The following MYOM2 variants were observed in gnomAD, a reference collection of about 807,000 sequenced individuals.
MYOM2 encodes myomesin-2.
MYOM2 carries 254 observed loss-of-function variants against 187.6 expected under a neutral mutation model. The ratio of observed to expected loss-of-function variants is 1.35; its 90% CI spans 1.22 to 1.50. The LOEUF (loss-of-function observed/expected upper bound fraction) is 1.50, where lower values mean the gene tolerates loss of function less well. Ranked by LOEUF, MYOM2 falls within the 40% of genes most tolerant of loss-of-function variation. MYOM2 has a pLI of 0.00. For missense variants in MYOM2, 2,796 were observed against 1,924.0 expected, an observed-to-expected ratio of 1.45 and a Z score of -8.48; for synonymous variants, 981 against 753.8, an observed-to-expected ratio of 1.30 and a Z score of -4.94.
At chr8:2,045,990 G>A (rs535202360) in intron 1 of MYOM2, among the ~76,000 whole-genome samples, 2 of 152,302 alleles carry the variant, frequency 1.3e-5, no homozygotes, top group East Asian at 3.9e-4. Context: ...AGAAAGCGTG[G>A]AACAAAGATA....
At chr8:2,140,243 T>G (rs191303900) in intron 32 of MYOM2, among the ~76,000 whole-genome samples, 3 of 152,208 alleles carry the variant, frequency 2.0e-5, no homozygotes, top group African/African-American at 7.2e-5. Flanking sequence ...ATTTCCCTCA[T>G]GTATTTATGG....
chr8:2,100,782 C>A lies in MYOM2; in HGVS notation c.2441-94C>A, dbSNP rs1285575288. Reference sequence around the variant, plus strand: ...TACGGATGGTCCTGGTGGGGGGCTTCCCAGAGGAGCAGTGGGTCCCCGGGG... The same window carrying A: ...TACGGATGGTCCTGGTGGGGGGCTTACCAGAGGAGCAGTGGGTCCCCGGGG... On this transcript the variant is annotated intron_variant, in intron 19 of 36. Coordinates refer to ENST00000262113, the MANE Select transcript of MYOM2 (RefSeq NM_003970.4). The A allele has an allele frequency of 2.6e-5, 33 of 1,270,932 alleles. No individual in the cohort carries two copies. In the Admixed American group the frequency reaches 5.7e-4, roughly 22 times the overall value. 78.7% of individuals were successfully genotyped at this position (1,270,932 alleles called of 1,614,324 possible).
chr8:2,083,065 C>T (rs1318059479), intron 13 of MYOM2, among the ~76,000 whole-genome samples: 2 of 152,158 alleles, frequency 1.3e-5, no homozygotes, highest in Non-Finnish European at 2.9e-5. Flanking sequence ...ATAGTATCTT[C>T]CTCCACACAT....
chr8:2,078,341 A>C (rs115697055), intron 11 of MYOM2, among the ~76,000 whole-genome samples: 1,725 of 152,326 alleles, frequency 0.011, 36 homozygotes, highest in African/African-American at 0.04. Context: ...CCTGGGCCTC[A>C]GACGGGCCAA....
chr8:2,074,475 G>T (rs1258060546), intron 10 of MYOM2, among the ~76,000 whole-genome samples: 3 of 152,014 alleles, frequency 2.0e-5, no homozygotes, highest in Non-Finnish European at 4.4e-5. Context: ...TTGTTTTTGA[G>T]ATGGATTAAC....
intron 1 of MYOM2, among the ~76,000 whole-genome samples, chr8:2,048,214 A>T (rs1220463030): frequency 6.6e-6 from 1 of 152,228 alleles, no homozygotes; most frequent in Admixed American, 6.5e-5. Context: ...CGTCTGCTGG[A>T]GTGGAATTGC....
At chr8:2,124,323 C>A (rs918673481) in intron 31 of MYOM2, 106 bp downstream of exon 31, 4 of 1,177,050 alleles carry the variant, frequency 3.4e-6, no homozygotes, top group African/African-American at 3.1e-5. Flanking sequence ...AGCTGTGGTG[C>A]GTGTTCTGTG....
At chr8:2,067,529 G>A (rs1819057251) in intron 6 of MYOM2, among the ~76,000 whole-genome samples, 1 of 152,302 alleles carries the variant, frequency 6.6e-6, no homozygotes, top group African/African-American at 2.4e-5. Context: ...ATGCTGATGT[G>A]AAGTGACTTG....
intron 28 of MYOM2, 86 bp from the exon 29 acceptor site, chr8:2,123,155 TGAGGGGGGGGC>T: frequency 1.3e-6 from 1 of 782,206 alleles, no homozygotes; most frequent in Admixed American, 3.1e-5. Flanking sequence ...TAAGGTTTTT[TGAGGGGGGGGC>T]TCTGTGATTT....
intron 35 of MYOM2, 82 bp downstream of exon 35, chr8:2,142,479 T>A (rs2116925117): frequency 7.2e-7 from 1 of 1,392,584 alleles, no homozygotes. Context: ...GGACCAACTT[T>A]GTGTATTAAA....
At position 2,069,684 on chromosome 8, in the gene MYOM2, C is replaced by T. The variant is rs532414485; in HGVS notation, c.793+187C>T. On this transcript the variant is annotated intron_variant, in intron 8 of 36. Transcript: ENST00000262113. Reference sequence around the variant, plus strand: ...ATAAGCTCCGCCTCCCGGGTTCACACCTAAGGGTCAAATCTTTTTTACAAA... The same window carrying T: ...ATAAGCTCCGCCTCCCGGGTTCACATCTAAGGGTCAAATCTTTTTTACAAA... Among the ~76,000 whole-genome samples, 5 of 152,056 alleles carry T rather than the reference C, an allele frequency of 3.3e-5. No individual in the cohort carries two copies. In the South Asian group the frequency reaches 1.0e-3, roughly 32 times the overall value.
rs766700367 is a variant in MYOM2 at position 2,072,487 on chromosome 8, G to C, written c.936G>C (p.Pro312=). Residue 312 remains proline (P), a synonymous_variant, in exon 9 of 37, where the codon CCG becomes CCC. Coordinates refer to ENST00000262113, the MANE Select transcript of MYOM2 (RefSeq NM_003970.4). ...LVTPDLKRVQ[P]RAEWYRDDVL... ...CGCCGGACCTGAAGCGGGTGCAGCC[G>C]CGCGCCGAGTGGTACCGCGATGGTG... 5 of 1,613,674 alleles carry C rather than the reference G, an allele frequency of 3.1e-6. No homozygotes were observed. Among genetic ancestry groups the C allele is most frequent in the African/African-American group, 1.3e-5 (1 of 75,066 alleles).
intron 31 of MYOM2, among the ~76,000 whole-genome samples, chr8:2,127,000 G>A (rs970851855): frequency 4.0e-5 from 6 of 150,894 alleles, no homozygotes; most frequent in East Asian, 3.9e-4. Context: ...GGGAGCACTG[G>A]GAGAGGCTGA....
chr8:2,098,111 AG>A (rs1796557287), intron 18 of MYOM2: 1 of 152,208 alleles, frequency 6.6e-6, no homozygotes, highest in Non-Finnish European at 1.5e-5. Context: ...TCCTGAGAAA[AG>A]TACCTGCTTA....
intron 12 of MYOM2, 58 bp from the exon 13 acceptor site, chr8:2,079,502 A>T: frequency 1.3e-6 from 2 of 1,562,240 alleles, no homozygotes; most frequent in Non-Finnish European, 1.8e-6. Context: ...ATGAGGGAAA[A>T]CGGGCTTTTG....
At chr8:2,052,038 T>C (rs942460236) in intron 2 of MYOM2, 120 bp from the exon 3 acceptor site, 17 of 1,225,762 alleles carry the variant, frequency 1.4e-5, no homozygotes, top group African/African-American at 1.4e-4. Flanking sequence ...TGTGTGTGTT[T>C]GTGTGTGCTC....
At chr8:2,072,643 A>T (rs1819272708) in intron 9 of MYOM2, 134 bp downstream of exon 9, 1 of 1,106,604 alleles carries the variant, frequency 9.0e-7, no homozygotes, top group South Asian at 1.7e-5. Flanking sequence ...AAACTGAGGG[A>T]CTGTAGAGGA....
At position 2,144,881 on chromosome 8, in the gene MYOM2, T is replaced by C. The variant is rs1371072430; in HGVS notation, c.4298T>C (p.Val1433Ala). The stretch of plus-strand genomic sequence containing the variant: ...GGCGGGGAGAAGATCGACGTGACAG[T>C]GAGCGTGTACAAACACGGGGAGAAG... ...KYGGEKIDVT[V>A]SVYKHGEKIP... The change falls in exon 37 of 37, where the codon GTG becomes GCG. Residue 1433 changes from valine (V) to alanine (A), a missense_variant. Coordinates refer to ENST00000262113, the MANE Select transcript of MYOM2 (RefSeq NM_003970.4). 1.2e-6 allele frequency: 2 copies of C among 1,614,020 alleles called. No individual in the cohort carries two copies. Among genetic ancestry groups the C allele is most frequent in the Admixed American group, 1.7e-5 (1 of 60,014 alleles).
chr8:2,107,388 T>G (rs545329912), intron 23 of MYOM2, among the ~76,000 whole-genome samples: 1 of 152,286 alleles, frequency 6.6e-6, no homozygotes, highest in African/African-American at 2.4e-5. Context: ...TCTCCAGGGA[T>G]GGCATAAATG....
Sources: gnomAD v4.1 joint callset for allele counts (sites outside exome capture counted in the v4.1 genomes callset) on GRCh38, gnomAD v4.1.1 for gene constraint, MANE v1.5 for transcripts, NCBI Gene and HGNC (gene_info 2026-07-23, HGNC 2026-07-21) for gene names.